The following HHAT variants were observed in gnomAD, a reference collection of about 807,000 sequenced individuals.
The protein encoded by HHAT is protein-cysteine N-palmitoyltransferase HHAT.
Under a neutral mutation model 70.8 loss-of-function variants are expected in HHAT, and 47 were observed. The ratio of observed to expected loss-of-function variants is 0.66; its 90% CI spans 0.53 to 0.85. The LOEUF (loss-of-function observed/expected upper bound fraction) is 0.85. Among genes scored for constraint, HHAT ranks in the 40% least tolerant of loss-of-function variants. The probability of loss-of-function intolerance (pLI) is 0.00; values close to 1 mark genes in which losing one functional copy is unlikely to be tolerated. For synonymous variants in HHAT, 228 were observed against 247.6 expected (o/e 0.92, Z 0.74); for missense variants, 609 against 604.8 (o/e 1.01, Z -0.07).
rs538322131 is a variant in HHAT at position 210,484,764 on chromosome 1, T to A, written c.1007+20109T>A. On this transcript the variant is annotated intron_variant, in intron 8 of 11. Coordinates refer to ENST00000261458, the MANE Select transcript of HHAT (RefSeq NM_018194.6). ...ATATGGATGCACCACTTCCTGTGTT[T>A]CAGCAGTTTACAATTCATTACTTAG... is the stretch of plus-strand genomic sequence containing the variant. 4.6e-5 allele frequency among the ~76,000 whole-genome samples: 7 copies of A among 152,338 alleles called. No homozygotes were observed. The East Asian group carries it at 1.4e-3, about 29-fold the overall frequency.
intron 1 of HHAT, among the ~76,000 whole-genome samples, chr1:210,333,401 A>C (rs1204667371): frequency 6.6e-6 from 1 of 152,144 alleles, no homozygotes. Flanking sequence ...TCTAGCCTGC[A>C]TGACAGAGTG....
chr1:210,331,762 G>A (rs1215343357), intron 1 of HHAT, among the ~76,000 whole-genome samples: 4 of 152,314 alleles, frequency 2.6e-5, no homozygotes, highest in Non-Finnish European at 5.9e-5. Flanking sequence ...GTTTGGTTTT[G>A]AGTGCAGCCA....
intron 7 of HHAT, among the ~76,000 whole-genome samples, chr1:210,461,778 A>C (rs1229955303): frequency 1.3e-5 from 2 of 152,224 alleles, no homozygotes; most frequent in Non-Finnish European, 2.9e-5. Flanking sequence ...CTTGTAAACC[A>C]GATATTAAAA....
intron 7 of HHAT, among the ~76,000 whole-genome samples, chr1:210,449,073 TC>T (rs2093693636): frequency 1.0e-5 from 1 of 98,458 alleles, no homozygotes; most frequent in Non-Finnish European, 2.3e-5. Context: ...CCAACAAAAA[TC>T]ATTTAGATGC....
At chr1:210,461,974 G>A (rs868682167) in intron 7 of HHAT, among the ~76,000 whole-genome samples, 30 of 151,984 alleles carry the variant, frequency 2.0e-4, no homozygotes, top group African/African-American at 6.3e-4. Context: ...TTTATTAATC[G>A]TCTATGCAAA....
chr1:210,502,411 A>C (rs1386736788), intron 8 of HHAT, among the ~76,000 whole-genome samples: 1 of 140,522 alleles, frequency 7.1e-6, no homozygotes, highest in East Asian at 2.1e-4. Context: ...AATCTTTCCT[A>C]GTCCAGAAAT....
Position 210,513,180 on chromosome 1 carries a change from CT to C in HHAT, c.1037del (p.Leu346Ter). On this transcript the variant is annotated frameshift_variant, in exon 9 of 12. Coordinates refer to ENST00000261458, the MANE Select transcript of HHAT (RefSeq NM_018194.6). LOFTEE classifies it high-confidence loss of function. Reference protein sequence around the residue: ...RYFDVGLHNFLIRYVYIPVGG... With the variant: ...RYFDVGLHNFXIRYVYIPVGG... Reference sequence around the variant, plus strand: ...ATTTTGATGTTGGACTGCATAATTTCTTAATCAGGTAAGCCAATAATTTTTA... The same window carrying C: ...ATTTTGATGTTGGACTGCATAATTTCTAATCAGGTAAGCCAATAATTTTTA... 1 of 1,513,382 alleles carries C rather than the reference CT, an allele frequency of 6.6e-7. No individual in the cohort carries two copies. The highest frequency in any genetic ancestry group is 9.1e-7 in the Non-Finnish European group (1 of 1,093,634). 93.7% of individuals were successfully genotyped at this position (1,513,382 alleles called of 1,614,324 possible). A position where few individuals can be genotyped will look rare whatever the true frequency, so the allele number is the denominator to read the frequency against.
chr1:210,451,344 C>G (rs1490019242), intron 7 of HHAT, among the ~76,000 whole-genome samples: 2 of 151,982 alleles, frequency 1.3e-5, no homozygotes, highest in Non-Finnish European at 1.5e-5. Context: ...TTTGAAATTC[C>G]CTGCATGTTC....
At chr1:210,365,082 A>T (rs895023293) in intron 3 of HHAT, among the ~76,000 whole-genome samples, 11 of 152,146 alleles carry the variant, frequency 7.2e-5, no homozygotes, top group African/African-American at 2.7e-4. Flanking sequence ...CAGAGGAAGG[A>T]CATTGATATG....
rs187132351 is a variant in HHAT, at chr1:210,473,550, G to T, written c.1007+8895G>T. Among the ~76,000 whole-genome samples the T allele has an allele frequency of 3.9e-5, 6 of 152,290 alleles. No individual in the cohort carries two copies. In the East Asian group the frequency reaches 7.7e-4, roughly 20 times the overall value. On this transcript the variant is annotated intron_variant, in intron 8 of 11. Coordinates refer to ENST00000261458, the MANE Select transcript of HHAT (RefSeq NM_018194.6). ...CTGAGTCACTGACTGGGTGAATGGT[G>T]TGGGGCCACTGGGGGCTTCTGTTCT...
At chr1:210,509,313 T>C (rs1416820571) in intron 8 of HHAT, among the ~76,000 whole-genome samples, 1 of 152,228 alleles carries the variant, frequency 6.6e-6, no homozygotes, top group African/African-American at 2.4e-5. Flanking sequence ...TCATTGGTGC[T>C]CAAAAAGTTT....
chr1:210,546,615 A>G (rs1051833353), intron 9 of HHAT, among the ~76,000 whole-genome samples: 3 of 152,216 alleles, frequency 2.0e-5, no homozygotes, highest in East Asian at 1.9e-4. Flanking sequence ...GAACCTCCAC[A>G]TGGCTTTAAG....
At chr1:210,536,478 T>C (rs895358071) in intron 9 of HHAT, among the ~76,000 whole-genome samples, 1 of 152,272 alleles carries the variant, frequency 6.6e-6, no homozygotes, top group African/African-American at 2.4e-5. Flanking sequence ...AGCACCACAT[T>C]ACTGCTTGTG....
chr1:210,519,827 T>TG (rs1443514695), intron 9 of HHAT, among the ~76,000 whole-genome samples: 1 of 48,782 alleles, frequency 2.0e-5, no homozygotes, highest in African/African-American at 6.8e-5. Flanking sequence ...CACACTTGGC[T>TG]TTTTTTTTTT....
intron 11 of HHAT, among the ~76,000 whole-genome samples, chr1:210,643,045 AT>A (rs1252856144): frequency 1.3e-5 from 2 of 151,882 alleles, no homozygotes; most frequent in African/African-American, 2.4e-5. Flanking sequence ...ATAAGGATCA[AT>A]TTTTTTTGGT....
intron 9 of HHAT, among the ~76,000 whole-genome samples, chr1:210,516,483 AT>A (rs956472962): frequency 1.8e-4 from 27 of 152,258 alleles, no homozygotes; most frequent in African/African-American, 6.0e-4. Context: ...CAGCAATGGC[AT>A]TTTCTTGTAA....
chr1:210,538,134 G>A (rs919731526), intron 9 of HHAT, among the ~76,000 whole-genome samples: 5 of 148,916 alleles, frequency 3.4e-5, no homozygotes, highest in Non-Finnish European at 5.9e-5. Context: ...ATTGTATCCC[G>A]TAATTTGCTA....
chr1:210,403,140 ACTCT>A (rs1166966797), intron 5 of HHAT, among the ~76,000 whole-genome samples: 2 of 151,952 alleles, frequency 1.3e-5, no homozygotes, highest in Non-Finnish European at 2.9e-5. Flanking sequence ...CATTTTTCTC[ACTCT>A]CATTAATGAT....
intron 10 of HHAT, among the ~76,000 whole-genome samples, chr1:210,603,608 A>G (rs1424405986): frequency 6.6e-6 from 1 of 152,124 alleles, no homozygotes; most frequent in Admixed American, 6.5e-5. Flanking sequence ...CTAAAATAAT[A>G]TGCACATACT....
Sources: allele counts gnomAD v4.1 joint callset (sites outside exome capture counted in the v4.1 genomes callset), GRCh38; gene constraint gnomAD v4.1.1; transcripts MANE v1.5; gene names NCBI Gene and HGNC (gene_info 2026-07-23, HGNC 2026-07-21).